Variants in DLG2 observed in about 807,000 individuals in gnomAD.
DLG2 encodes the protein disks large homolog 2.
DLG2 carries 45 observed loss-of-function variants against 132.5 expected under a neutral mutation model. That is an observed-to-expected ratio of 0.34 (90% CI 0.27 to 0.44). The LOEUF (loss-of-function observed/expected upper bound fraction) is 0.44. DLG2 is among the 20% of genes least tolerant of loss of function. The pLI is 1.00. For missense variants in DLG2, 1,045 were observed against 1,196.9 expected, an observed-to-expected ratio of 0.87 and a Z score of 1.87; for synonymous variants, 424 against 419.6, an observed-to-expected ratio of 1.01 and a Z score of -0.13.
intron 6 of DLG2, among the ~76,000 whole-genome samples, chr11:84,644,727 C>G (rs2099672462): frequency 6.7e-6 from 1 of 148,658 alleles, no homozygotes; most frequent in African/African-American, 2.5e-5. Context: ...AAAAAGATGT[C>G]TTATGGGAAT....
At chr11:84,983,431 GA>G (rs1378283021) in intron 6 of DLG2, among the ~76,000 whole-genome samples, 1 of 152,090 alleles carries the variant, frequency 6.6e-6, no homozygotes, top group East Asian at 1.9e-4. Context: ...CACATCCTAG[GA>G]AAAGGGGGAG....
chr11:85,049,981 C>T (rs952863148), intron 6 of DLG2, among the ~76,000 whole-genome samples: 9 of 152,010 alleles, frequency 5.9e-5, no homozygotes, highest in African/African-American at 2.2e-4. Context: ...TGATGGGAAT[C>T]TCTAGCTATC....
At chr11:83,821,293 G>A (rs1337508188) in intron 17 of DLG2, among the ~76,000 whole-genome samples, 1 of 152,310 alleles carries the variant, frequency 6.6e-6, no homozygotes, top group African/African-American at 2.4e-5. Context: ...GACGCTCATC[G>A]ACTCTCCACT....
intron 6 of DLG2, among the ~76,000 whole-genome samples, chr11:84,879,018 T>C (rs1354232273): frequency 1.3e-5 from 2 of 152,160 alleles, no homozygotes; most frequent in East Asian, 3.9e-4. Flanking sequence ...TCTCTGCTAA[T>C]CAGCAGGGGT....
At chr11:85,280,882 T>C (rs1037156128) in intron 4 of DLG2, among the ~76,000 whole-genome samples, 4 of 139,366 alleles carry the variant, frequency 2.9e-5, no homozygotes, top group South Asian at 4.8e-4. Flanking sequence ...AGGTCATTTA[T>C]TTTTTATTCC....
intron 8 of DLG2, among the ~76,000 whole-genome samples, chr11:84,195,743 T>C (rs912087442): frequency 2.0e-5 from 3 of 152,200 alleles, no homozygotes; most frequent in African/African-American, 7.2e-5. Context: ...TGCAGCAACC[T>C]CCCCAGTGTA....
At chr11:83,532,605 G>C in intron 21 of DLG2, 103 bp downstream of exon 21, 1 of 909,414 alleles carries the variant, frequency 1.1e-6, no homozygotes, top group South Asian at 1.4e-5. Context: ...TCTACTGTCT[G>C]GTACCTTCAT....
At chr11:83,893,511 T>C (rs1189955913) in intron 15 of DLG2, among the ~76,000 whole-genome samples, 1 of 152,242 alleles carries the variant, frequency 6.6e-6, no homozygotes, top group Non-Finnish European at 1.5e-5. Context: ...GGTTTTCTCC[T>C]GGACACCTCC....
chr11:85,122,441 G>A (rs1315342324), intron 5 of DLG2, among the ~76,000 whole-genome samples: 1 of 152,110 alleles, frequency 6.6e-6, no homozygotes, highest in African/African-American at 2.4e-5. Flanking sequence ...AAATTATTTG[G>A]GGAAACCAAA....
intron 3 of DLG2, among the ~76,000 whole-genome samples, chr11:85,546,617 TG>T (rs2076342845): frequency 6.6e-6 from 1 of 152,180 alleles, no homozygotes; most frequent in African/African-American, 2.4e-5. Context: ...TATTATTGTG[TG>T]GGAGTCTAAA....
chr11:84,532,685 C>T (rs1391113711), intron 7 of DLG2, among the ~76,000 whole-genome samples: 2 of 152,142 alleles, frequency 1.3e-5, no homozygotes, highest in African/African-American at 2.4e-5. Flanking sequence ...TTTGCAGAGA[C>T]AAGGTCTTGC....
chr11:85,273,497 T>A (rs2077679177), intron 4 of DLG2, among the ~76,000 whole-genome samples: 1 of 152,052 alleles, frequency 6.6e-6, no homozygotes, highest in South Asian at 2.1e-4. Context: ...AACAGACACA[T>A]GAAAAAATGC....
rs369757475 is a variant in DLG2, at chr11:84,832,063, G to C, written c.357+279598C>G. Among the ~76,000 whole-genome samples the C allele has an allele frequency of 9.9e-5, 15 of 151,758 alleles. No homozygotes were observed. The East Asian group carries it at 1.2e-3, about 12-fold the overall frequency. Reference sequence around the variant, plus strand: ...CACAGGAAAAGCAACTTCAACACATGATATATATTTGCCAGCCCTATCCTA... The same window carrying C: ...CACAGGAAAAGCAACTTCAACACATCATATATATTTGCCAGCCCTATCCTA... On this transcript the variant is annotated intron_variant, in intron 6 of 27. Coordinates refer to ENST00000376104, the MANE Select transcript of DLG2 (RefSeq NM_001142699.3).
chr11:83,828,088 C>T (rs1197022998), intron 17 of DLG2, among the ~76,000 whole-genome samples: 1 of 152,084 alleles, frequency 6.6e-6, no homozygotes, highest in Non-Finnish European at 1.5e-5. Context: ...TATAATGGAG[C>T]TTCAGGACCC....
rs113874331 is a variant in DLG2 at position 84,129,248 on chromosome 11, A to C, written c.625-30201T>G. On this transcript the variant is annotated intron_variant, in intron 9 of 27. Coordinates refer to ENST00000376104, the MANE Select transcript of DLG2 (RefSeq NM_001142699.3). ...ATGACACATTTACAGACTAGATGGC[A>C]TATGTCCAAAGGGTGAAGTCCCTGC... 3.2e-3 allele frequency among the ~76,000 whole-genome samples: 481 copies of C among 152,254 alleles called. 1 individual carries two copies. The highest frequency in any genetic ancestry group is 5.1e-3 in the Non-Finnish European group (348 of 68,012).
intron 4 of DLG2, among the ~76,000 whole-genome samples, chr11:85,244,867 A>G (rs2076058955): frequency 6.6e-6 from 1 of 151,974 alleles, no homozygotes. Context: ...CAGGTGATTC[A>G]GATATTGATC....
chr11:84,024,232 T>G, intron 11 of DLG2, among the ~76,000 whole-genome samples: 1 of 152,132 alleles, frequency 6.6e-6, no homozygotes, highest in East Asian at 1.9e-4. Flanking sequence ...AAAAAATGCA[T>G]CAAACTCTCT....
At chr11:84,821,907 C>T (rs906032898) in intron 6 of DLG2, among the ~76,000 whole-genome samples, 2 of 151,554 alleles carry the variant, frequency 1.3e-5, no homozygotes, top group African/African-American at 2.4e-5. Context: ...AAACAAGAAA[C>T]AAGCAGATGA....
At chr11:84,809,365 T>C (rs2076319469) in intron 6 of DLG2, among the ~76,000 whole-genome samples, 1 of 151,836 alleles carries the variant, frequency 6.6e-6, no homozygotes, top group Admixed American at 6.6e-5. Context: ...GTACTATGAT[T>C]AGGAGCAAGA....
Sources: gnomAD v4.1 joint callset for allele counts (sites outside exome capture counted in the v4.1 genomes callset) on GRCh38, gnomAD v4.1.1 for gene constraint, MANE v1.5 for transcripts, NCBI Gene and HGNC (gene_info 2026-07-23, HGNC 2026-07-21) for gene names.